The following SPTLC2 variants were observed in gnomAD, a reference collection of about 807,000 sequenced individuals.
SPTLC2 encodes the protein serine palmitoyltransferase long chain base subunit 2.
Under a neutral mutation model 62.0 loss-of-function variants are expected in SPTLC2, and 21 were observed. That is an observed-to-expected ratio of 0.34 (90% confidence interval 0.24 to 0.49). SPTLC2 has a LOEUF of 0.49. Among genes scored for constraint, SPTLC2 ranks in the 20% least tolerant of loss-of-function variants. SPTLC2 has a pLI of 0.99. For synonymous variants in SPTLC2, 261 were observed against 261.8 expected, an observed-to-expected ratio of 1.00 and a Z score of 0.03; for missense variants, 511 against 713.0, an observed-to-expected ratio of 0.72 and a Z score of 3.23.
intron 5 of SPTLC2, among the ~76,000 whole-genome samples, chr14:77,563,248 A>G (rs2079624741): frequency 6.6e-6 from 1 of 152,154 alleles, no homozygotes; most frequent in African/African-American, 2.4e-5. Flanking sequence ...CCACGAGAAT[A>G]AAAAGAAGAG....
intron 9 of SPTLC2, among the ~76,000 whole-genome samples, chr14:77,543,168 G>A (rs1035840361): frequency 1.3e-5 from 2 of 152,180 alleles, no homozygotes; most frequent in African/African-American, 4.8e-5. Context: ...TCCTGCCTCA[G>A]CCGCCTGAGT....
chr14:77,518,870 T>TGTC (rs2079371767), intron 10 of SPTLC2, among the ~76,000 whole-genome samples: 1 of 152,214 alleles, frequency 6.6e-6, no homozygotes, highest in African/African-American at 2.4e-5. Context: ...CTTCCTTTGG[T>TGTC]GTCTGTCAGG....
rs554945790 is a variant in SPTLC2, at chr14:77,605,502, G to C, written c.133-8122C>G. On this transcript the variant is annotated intron_variant, in intron 1 of 11. Coordinates refer to ENST00000216484, the MANE Select transcript of SPTLC2 (RefSeq NM_004863.4). ...AGCTGTCTTCTATGCATAGCAAAGA[G>C]GACTAGCAGAATTAAAATTCCAGAG... Among the ~76,000 whole-genome samples the C allele has an allele frequency of 3.3e-5, 5 of 152,356 alleles. No homozygotes were observed. The East Asian group carries it at 9.6e-4, about 29-fold the overall frequency.
rs577436926 is a variant in SPTLC2 at position 77,616,457 on chromosome 14, G to GGCGGCT, written c.117_122dup (p.Ala41_Ala42dup). 93 of 1,485,818 alleles carry GGCGGCT rather than the reference G, an allele frequency of 6.3e-5. 1 individual carries two copies. Among genetic ancestry groups the GGCGGCT allele is most frequent in the South Asian group, 4.7e-4 (37 of 79,218 alleles). 92.0% of individuals were successfully genotyped at this position (1,485,818 alleles called of 1,614,324 possible). ...CGCGGGCCCCTCGTACCTGGCCGGC[G>GGCGGCT]GCGGCTGCGGCTGCGGCTGCAGCGC... On this transcript the variant is annotated inframe_insertion, in exon 1 of 12. Transcript: ENST00000216484.
At chr14:77,536,585 C>G (rs2079472177) in intron 9 of SPTLC2, among the ~76,000 whole-genome samples, 1 of 151,998 alleles carries the variant, frequency 6.6e-6, no homozygotes, top group African/African-American at 2.4e-5. Flanking sequence ...TTAGCAATAC[C>G]CCTTTTCATC....
In SPTLC2 at chr14:77,597,175, C is replaced by G; in HGVS notation, c.327+11G>C. On this transcript the variant is annotated intron_variant, in intron 2 of 11. Coordinates refer to ENST00000216484, the MANE Select transcript of SPTLC2 (RefSeq NM_004863.4). ...TTCTATTTACAGAATCAAAAACTCT[C>G]TAACAGTTACCTTTTGTTCTTCTCT... The G allele has an allele frequency of 1.2e-6, 2 of 1,613,434 alleles. No individual in the cohort carries two copies. The highest frequency in any genetic ancestry group is 1.7e-6 in the Non-Finnish European group (2 of 1,179,528).
rs571350620 is a variant in SPTLC2 at position 77,588,497 on chromosome 14, C to A, written c.327+8689G>T. Among the ~76,000 whole-genome samples, 6 of 150,522 alleles carry A rather than the reference C, an allele frequency of 4.0e-5. No homozygotes were observed. The South Asian group carries it at 8.4e-4, about 21-fold the overall frequency. ...CTTGAGCTCAGGAGTTCAAGATCAA[C>A]CTGGGCAACAAGGCGAAACCCTGTC... On this transcript the variant is annotated intron_variant, in intron 2 of 11. Coordinates refer to ENST00000216484, the MANE Select transcript of SPTLC2 (RefSeq NM_004863.4).
At chr14:77,567,792 ATTTG>A (rs753189807) in intron 5 of SPTLC2, among the ~76,000 whole-genome samples, 1 of 132,138 alleles carries the variant, frequency 7.6e-6, no homozygotes, top group Non-Finnish European at 1.7e-5. Context: ...TTTGGGTTTA[ATTTG>A]TTTTTCTTTT....
chr14:77,579,176 T>A, intron 2 of SPTLC2, 67 bp from the exon 3 acceptor site: 1 of 1,519,976 alleles, frequency 6.6e-7, no homozygotes, highest in Non-Finnish European at 9.0e-7. Context: ...TTTTAACAGA[T>A]GACATGATCT....
intron 9 of SPTLC2, among the ~76,000 whole-genome samples, chr14:77,536,177 T>C (rs554487442): frequency 2.6e-5 from 4 of 152,276 alleles, no homozygotes; most frequent in African/African-American, 7.2e-5. Flanking sequence ...ATATTAAAAA[T>C]TATTTTCTGA....
chr14:77,552,146 T>G lies in SPTLC2; in HGVS notation c.1253A>C (p.Gln418Pro), dbSNP rs774894035. 9 of 1,614,180 alleles carry G rather than the reference T, an allele frequency of 5.6e-6. No homozygotes were observed. Among genetic ancestry groups the G allele is most frequent in the Non-Finnish European group, 7.6e-6 (9 of 1,180,012 alleles). The change falls in exon 9 of 12, where the codon CAG becomes CCG. Residue 418 changes from glutamine (Q) to proline (P), a missense_variant. By Grantham distance (76) the Gln-to-Pro change is moderately conservative. Coordinates refer to ENST00000216484, the MANE Select transcript of SPTLC2 (RefSeq NM_004863.4). Reference protein sequence around the residue: ...ATSLSPPVVEQIITSMKCIMG... With the variant: ...ATSLSPPVVEPIITSMKCIMG... ...GATGCACTTCATGGAGGTGATGATC[T>G]GCTCCACTACAGGAGGTGACAATGA...
rs766700253 is a variant in SPTLC2, at chr14:77,616,612, T to C, written c.-33A>G. The C allele has an allele frequency of 7.5e-5, 115 of 1,531,998 alleles. No homozygotes were observed. Among genetic ancestry groups the C allele is most frequent in the Middle Eastern group, 5.6e-4 (3 of 5,334 alleles). 94.9% of individuals were successfully genotyped at this position (1,531,998 alleles called of 1,614,324 possible). A position where few individuals can be genotyped will look rare whatever the true frequency, so the allele number is the denominator to read the frequency against. ...GCAGCACCAGGCGCAAGGCAGGCTC[T>C]GTAGGCGGTGGCAGCGGCGGCGGCT... On this transcript the variant is annotated 5_prime_UTR_variant, in exon 1 of 12. Coordinates refer to ENST00000216484, the MANE Select transcript of SPTLC2 (RefSeq NM_004863.4).
At chr14:77,594,736 TCCAGGAATGTGCTGTCTGCA>T (rs2079837165) in intron 2 of SPTLC2, among the ~76,000 whole-genome samples, 1 of 152,226 alleles carries the variant, frequency 6.6e-6, no homozygotes. Flanking sequence ...TATCCCCTCA[TCCAGGAATGTGCTGTCTGCA>T]CCACAATCAG....
intron 9 of SPTLC2, among the ~76,000 whole-genome samples, chr14:77,545,858 T>C (rs952315930): frequency 1.3e-5 from 2 of 152,200 alleles, no homozygotes; most frequent in Non-Finnish European, 2.9e-5. Flanking sequence ...CAAGAAACTT[T>C]TAATAGCATT....
At chr14:77,548,003 G>C (rs763941314) in intron 9 of SPTLC2, among the ~76,000 whole-genome samples, 58 of 148,908 alleles carry the variant, frequency 3.9e-4, no homozygotes, top group Non-Finnish European at 6.9e-4. Context: ...ATTCAAATGA[G>C]CCAAACCTAG....
intron 2 of SPTLC2, among the ~76,000 whole-genome samples, chr14:77,590,595 C>T (rs2079810422): frequency 6.6e-6 from 1 of 152,122 alleles, no homozygotes; most frequent in Admixed American, 6.5e-5. Flanking sequence ...GCCTGTAGTC[C>T]CAGCCACTCT....
chr14:77,539,880 T>C (rs754084798), intron 9 of SPTLC2, among the ~76,000 whole-genome samples: 7 of 152,118 alleles, frequency 4.6e-5, no homozygotes, highest in Non-Finnish European at 8.8e-5. Flanking sequence ...AATAAACTTC[T>C]TATTGTGGCT....
At chr14:77,583,987 C>T (rs2079767807) in intron 2 of SPTLC2, among the ~76,000 whole-genome samples, 1 of 152,180 alleles carries the variant, frequency 6.6e-6, no homozygotes, top group South Asian at 2.1e-4. Flanking sequence ...CGACTAAATG[C>T]TGGATCACTG....
At chr14:77,552,260 C>A in intron 8 of SPTLC2, 38 bp from the exon 9 acceptor site, 1 of 1,611,788 alleles carries the variant, frequency 6.2e-7, no homozygotes, top group Non-Finnish European at 8.5e-7. Flanking sequence ...AGAGACAATT[C>A]TTGCATTCAC....
Sources: allele counts gnomAD v4.1 joint callset (sites outside exome capture counted in the v4.1 genomes callset), GRCh38; gene constraint gnomAD v4.1.1; transcripts MANE v1.5; gene names NCBI Gene and HGNC (gene_info 2026-07-23, HGNC 2026-07-21).